The following RANBP2 variants were observed in gnomAD, a reference collection of about 807,000 sequenced individuals.
RANBP2 encodes the protein E3 SUMO-protein ligase RanBP2.
RANBP2 carries 57 observed loss-of-function variants against 303.6 expected under a neutral mutation model. That is an observed-to-expected ratio of 0.19 (90% CI 0.15 to 0.23). RANBP2 has a LOEUF of 0.23. Ranked by LOEUF, RANBP2 falls within the 10% of genes least tolerant of loss-of-function variation. The pLI is 1.00. For missense variants in RANBP2, 3,138 were observed against 3,780.8 expected, an observed-to-expected ratio of 0.83 and a Z score of 4.46; for synonymous variants, 1,167 against 1,301.5, an observed-to-expected ratio of 0.90 and a Z score of 2.23.
At chr2:109,243,859 T>C in the RANBP2 span, among the ~76,000 whole-genome samples, 1 of 152,172 alleles carries the variant, frequency 6.6e-6, no homozygotes. Flanking sequence ...TGGTTTGCTT[T>C]AGAAAGATCT....
the RANBP2 span, among the ~76,000 whole-genome samples, chr2:108,803,349 G>T: frequency 6.6e-6 from 1 of 152,170 alleles, no homozygotes; most frequent in Non-Finnish European, 1.5e-5. Context: ...GCTCATAGAG[G>T]CCCCTCTTCC....
At position 108,749,057 on chromosome 2, in the gene RANBP2, C is replaced by T; in HGVS notation, c.1201C>T (p.Leu401Phe). ...SSQSPKDTSF[L>F]GSDDIGNIDV... is the part of the protein sequence containing the mutation. ...TCAGTCACCTAAGGATACATCTTTT[C>T]TTGGTAGCGATGATATTGGAAACAT... Residue 401 changes from leucine to phenylalanine, a missense_variant, in exon 9 of 29, where the codon CTT becomes TTT. By Grantham distance (22) the Leu-to-Phe change is conservative. Coordinates refer to ENST00000283195, the MANE Select transcript of RANBP2 (RefSeq NM_006267.5). 1.2e-6 allele frequency: 2 copies of T among 1,611,874 alleles called. No homozygotes were observed. The highest frequency in any genetic ancestry group is 1.7e-6 in the Non-Finnish European group (2 of 1,179,848).
At chr2:109,654,041 A>G in the RANBP2 span, among the ~76,000 whole-genome samples, 1 of 152,310 alleles carries the variant, frequency 6.6e-6, no homozygotes, top group African/African-American at 2.4e-5. Flanking sequence ...ATTTCCTTGC[A>G]AGGCAATTAC....
chr2:108,846,725 A>T, the RANBP2 span: 2 of 1,592,314 alleles, frequency 1.3e-6, no homozygotes, highest in African/African-American at 2.7e-5. Flanking sequence ...AAGATTGTAC[A>T]TATTTTTAAC....
the RANBP2 span, among the ~76,000 whole-genome samples, chr2:109,270,033 C>A: frequency 2.0e-5 from 3 of 152,320 alleles, no homozygotes; most frequent in East Asian, 1.9e-4. Context: ...GCGATTGAAG[C>A]CACTGTCTGA....
chr2:109,128,434 G>C, the RANBP2 span: 1 of 152,082 alleles, frequency 6.6e-6, no homozygotes, highest in East Asian at 1.9e-4. Context: ...GGTGCTGGTC[G>C]GCGGGCAGCG....
At chr2:108,954,338 A>G in the RANBP2 span, among the ~76,000 whole-genome samples, 483 of 152,302 alleles carry the variant, frequency 3.2e-3, 1 homozygote, top group Non-Finnish European at 3.3e-3. Context: ...ATCTTAATGT[A>G]TATGCTTATT....
chr2:108,874,805 G>T, the RANBP2 span, among the ~76,000 whole-genome samples: 1 of 152,018 alleles, frequency 6.6e-6, no homozygotes, highest in East Asian at 1.9e-4. Context: ...AGACTATACC[G>T]TGATTCTCTT....
chr2:109,208,997 A>G, the RANBP2 span, among the ~76,000 whole-genome samples: 2 of 152,236 alleles, frequency 1.3e-5, no homozygotes, highest in Admixed American at 6.5e-5. Context: ...GAGGCCCGAC[A>G]TCAACACGGA....
At chr2:109,073,511 A>T in the RANBP2 span, among the ~76,000 whole-genome samples, 1 of 150,880 alleles carries the variant, frequency 6.6e-6, no homozygotes, top group Non-Finnish European at 1.5e-5. Context: ...TACTAAAAAT[A>T]CAAAAAAATT....
the RANBP2 span, among the ~76,000 whole-genome samples, chr2:108,901,590 T>G: frequency 2.0e-5 from 3 of 152,034 alleles, no homozygotes; most frequent in Non-Finnish European, 2.9e-5. Flanking sequence ...AGACACAAAT[T>G]ACCAATATCA....
the RANBP2 span, among the ~76,000 whole-genome samples, chr2:109,524,276 C>T: frequency 2.0e-5 from 3 of 152,032 alleles, no homozygotes; most frequent in Admixed American, 6.5e-5. Flanking sequence ...GACCTCCATC[C>T]ACTGTAAGGA....
intron 5 of RANBP2, 112 bp from the exon 6 acceptor site, chr2:108,735,992 A>G (rs1187146798): frequency 3.4e-5 from 54 of 1,604,536 alleles, no homozygotes; most frequent in East Asian, 4.5e-5. Context: ...ATAAAAATCA[A>G]TATAGTTTCA....
the RANBP2 span, among the ~76,000 whole-genome samples, chr2:109,455,514 A>G: frequency 1.7e-5 from 2 of 117,574 alleles, no homozygotes; most frequent in African/African-American, 3.1e-5. Context: ...TGTATATCTC[A>G]TATATGTGTG....
At chr2:109,682,283 A>G in the RANBP2 span, among the ~76,000 whole-genome samples, 2 of 152,150 alleles carry the variant, frequency 1.3e-5, no homozygotes, top group African/African-American at 4.8e-5. Flanking sequence ...AATCTCAGAT[A>G]CACAATGAAT....
the RANBP2 span, among the ~76,000 whole-genome samples, chr2:109,454,910 C>G: frequency 2.0e-5 from 3 of 151,126 alleles, no homozygotes; most frequent in African/African-American, 7.3e-5. Context: ...ATGGGAAATT[C>G]TTTATGGGCC....
the RANBP2 span, among the ~76,000 whole-genome samples, chr2:108,946,597 G>A: frequency 6.6e-6 from 1 of 152,194 alleles, no homozygotes; most frequent in Non-Finnish European, 1.5e-5. Flanking sequence ...AGTTCCACAT[G>A]GCTGGCAGGC....
At chr2:109,413,415 G>A in the RANBP2 span, among the ~76,000 whole-genome samples, 6 of 152,174 alleles carry the variant, frequency 3.9e-5, no homozygotes, top group East Asian at 1.2e-3. Flanking sequence ...CCCCAGGCCT[G>A]TCTGGTTATT....
intron 4 of RANBP2, among the ~76,000 whole-genome samples, chr2:108,732,771 T>G (rs1558878080): frequency 6.6e-6 from 1 of 152,230 alleles, no homozygotes; most frequent in Admixed American, 6.5e-5. Context: ...CTTTATACTT[T>G]GGTGATTTCA....
Sources: gnomAD v4.1 joint callset for allele counts (sites outside exome capture counted in the v4.1 genomes callset) on GRCh38, gnomAD v4.1.1 for gene constraint, MANE v1.5 for transcripts, NCBI Gene and HGNC (gene_info 2026-07-23, HGNC 2026-07-21) for gene names.